Variants in COX10 observed in about 807,000 individuals in gnomAD.
COX10 encodes the protein protoheme IX farnesyltransferase, mitochondrial.
COX10 carries 27 observed loss-of-function variants against 37.3 expected under a neutral mutation model. The observed-to-expected ratio is 0.72, with a 90% CI of 0.53 to 1.00. The LOEUF is 1.00. Among genes scored for constraint, COX10 ranks in the 50% least tolerant of loss-of-function variants. The probability of loss-of-function intolerance (pLI) is 0.00; values close to 1 mark genes in which losing one functional copy is unlikely to be tolerated. For missense variants in COX10, 475 were observed against 563.2 expected, an observed-to-expected ratio of 0.84 and a Z score of 1.59; for synonymous variants, 222 against 229.1, an observed-to-expected ratio of 0.97 and a Z score of 0.28.
chr17:14,166,110 C>G (rs1037848422), intron 5 of COX10, among the ~76,000 whole-genome samples: 1 of 152,220 alleles, frequency 6.6e-6, no homozygotes. Context: ...TCCAGAAGAT[C>G]TAGCTATAAG....
chr17:14,193,359 A>G (rs2856175), intron 6 of COX10, among the ~76,000 whole-genome samples: 35,408 of 147,580 alleles, frequency 0.24, 5,098 homozygotes, highest in Admixed American at 0.33. Context: ...AGGATGAAAC[A>G]AATTGTTATT....
At chr17:14,149,737 AT>A (rs1296294401) in intron 4 of COX10, among the ~76,000 whole-genome samples, 1 of 152,224 alleles carries the variant, frequency 6.6e-6, no homozygotes, top group African/African-American at 2.4e-5. Context: ...AGCCGGTGTC[AT>A]GATGGCATCA....
chr17:14,175,486 A>G (rs1253243358), intron 5 of COX10, among the ~76,000 whole-genome samples: 7 of 151,488 alleles, frequency 4.6e-5, no homozygotes, highest in Non-Finnish European at 7.4e-5. Flanking sequence ...GAGTTATGTG[A>G]GAAAACGACT....
intron 6 of COX10, among the ~76,000 whole-genome samples, chr17:14,204,415 T>C (rs1349487283): frequency 2.0e-5 from 3 of 151,988 alleles, no homozygotes; most frequent in African/African-American, 4.8e-5. Context: ...TATGGATCCA[T>C]AAGCCCAGGA....
At chr17:14,101,401 T>G (rs1915777902) in intron 3 of COX10, among the ~76,000 whole-genome samples, 1 of 152,182 alleles carries the variant, frequency 6.6e-6, no homozygotes, top group African/African-American at 2.4e-5. Flanking sequence ...TGATCCTTTT[T>G]CCAGCGGATT....
intron 4 of COX10, among the ~76,000 whole-genome samples, chr17:14,156,183 A>G (rs1482145012): frequency 6.6e-6 from 1 of 152,198 alleles, no homozygotes; most frequent in Non-Finnish European, 1.5e-5. Flanking sequence ...TTGCAGATGA[A>G]GAAATTAGGT....
chr17:14,154,345 G>T (rs1227533474), intron 4 of COX10, among the ~76,000 whole-genome samples: 1 of 152,170 alleles, frequency 6.6e-6, no homozygotes, highest in Non-Finnish European at 1.5e-5. Context: ...GATAATCTGT[G>T]TTTTTATATA....
intron 4 of COX10, among the ~76,000 whole-genome samples, chr17:14,129,625 C>A (rs1015141982): frequency 2.6e-5 from 4 of 152,164 alleles, no homozygotes; most frequent in Non-Finnish European, 4.4e-5. Flanking sequence ...TTCATTAAGG[C>A]CCCTTGAGAA....
intron 4 of COX10, among the ~76,000 whole-genome samples, chr17:14,128,248 T>G (rs1282510659): frequency 6.6e-6 from 1 of 152,172 alleles, no homozygotes; most frequent in Non-Finnish European, 1.5e-5. Context: ...ATTAATCTAT[T>G]TTAATGATGC....
At chr17:14,077,348 C>T (rs967584711) in intron 3 of COX10, 2 of 371,090 alleles carry the variant, frequency 5.4e-6, no homozygotes, top group Non-Finnish European at 9.9e-6. Flanking sequence ...TGTTTTTACA[C>T]CTGCTGTAAA....
At chr17:14,116,312 T>G (rs759315910) in intron 4 of COX10, among the ~76,000 whole-genome samples, 28 of 152,060 alleles carry the variant, frequency 1.8e-4, no homozygotes, top group Non-Finnish European at 3.8e-4. Context: ...CCATCCTGAG[T>G]AGCCATTAGT....
intron 4 of COX10, among the ~76,000 whole-genome samples, chr17:14,159,086 G>A (rs1421313832): frequency 6.6e-6 from 1 of 152,162 alleles, no homozygotes; most frequent in African/African-American, 2.4e-5. Flanking sequence ...TTGTTAGGAT[G>A]ACCATACCAA....
At chr17:14,105,677 A>G (rs78969736) in intron 4 of COX10, among the ~76,000 whole-genome samples, 3,290 of 152,278 alleles carry the variant, frequency 0.022, 127 homozygotes, top group African/African-American at 0.075. Flanking sequence ...GAAAATATAG[A>G]TAAGCAAAAA....
intron 4 of COX10, among the ~76,000 whole-genome samples, chr17:14,146,900 A>G (rs1366255258): frequency 1.3e-5 from 2 of 152,206 alleles, no homozygotes; most frequent in African/African-American, 2.4e-5. Flanking sequence ...AAGATGCTCA[A>G]CATCATCGAT....
intron 4 of COX10, among the ~76,000 whole-genome samples, chr17:14,124,149 G>A (rs930219964): frequency 2.6e-5 from 4 of 152,150 alleles, no homozygotes; most frequent in Admixed American, 2.6e-4. Flanking sequence ...GCTATAAATA[G>A]GTTAGTTGTT....
intron 6 of COX10, among the ~76,000 whole-genome samples, chr17:14,197,976 CCTTAT>C (rs1488726738): frequency 9.8e-5 from 15 of 152,314 alleles, no homozygotes; most frequent in African/African-American, 2.9e-4. Context: ...TGCCTAATTA[CCTTAT>C]CTTAATTTTT....
intron 3 of COX10, among the ~76,000 whole-genome samples, chr17:14,087,165 T>C (rs530733795): frequency 6.6e-6 from 1 of 152,338 alleles, no homozygotes; most frequent in East Asian, 1.9e-4. Context: ...AAGGTGCAGG[T>C]GGCTGACAGT....
rs535229597 is a variant in COX10 at position 14,080,107 on chromosome 17, A to C, written c.499+3051A>C. 1.1e-4 allele frequency among the ~76,000 whole-genome samples: 16 copies of C among 152,184 alleles called. No individual in the cohort carries two copies. In the South Asian group the frequency reaches 2.5e-3, roughly 24 times the overall value. ...GTCTGCCTTTAGGATCAGTACTTAGAAATGTAATAGCTAGCTTTAAACATT... is the reference window on the plus strand; with the variant it reads ...GTCTGCCTTTAGGATCAGTACTTAGCAATGTAATAGCTAGCTTTAAACATT... On this transcript the variant is annotated intron_variant, in intron 3 of 6. Coordinates refer to ENST00000261643, the MANE Select transcript of COX10 (RefSeq NM_001303.4).
intron 4 of COX10, among the ~76,000 whole-genome samples, chr17:14,159,460 A>G (rs1252515644): frequency 6.6e-6 from 1 of 152,238 alleles, no homozygotes; most frequent in African/African-American, 2.4e-5. Flanking sequence ...AACCAAACAC[A>G]GACTGCAGGA....
Sources: gnomAD v4.1 joint callset for allele counts (sites outside exome capture counted in the v4.1 genomes callset) on GRCh38, gnomAD v4.1.1 for gene constraint, MANE v1.5 for transcripts, NCBI Gene and HGNC (gene_info 2026-07-23, HGNC 2026-07-21) for gene names.